Variants in ZNF420 observed in about 807,000 individuals in gnomAD.
The protein encoded by ZNF420 is ATM and p53-associated KZNF protein.
Under a neutral mutation model 44.7 loss-of-function variants are expected in ZNF420, and 31 were observed. The observed-to-expected ratio is 0.69, with a 90% CI of 0.52 to 0.94. ZNF420 has a LOEUF of 0.94. ZNF420 is among the 40% of genes least tolerant of loss of function. The pLI, the probability that ZNF420 is intolerant of heterozygous loss-of-function variation, is 0.00. For missense variants in ZNF420, 681 were observed against 827.9 expected (o/e 0.82, Z 2.18); for synonymous variants, 245 against 267.4 (o/e 0.92, Z 0.82).
intron 1 of ZNF420, among the ~76,000 whole-genome samples, chr19:37,030,643 A>G (rs149079408): frequency 9.5e-4 from 145 of 152,344 alleles, no homozygotes; most frequent in African/African-American, 3.4e-3. Context: ...ATTTTCATAT[A>G]CAAGTATGCA....
intron 1 of ZNF420, among the ~76,000 whole-genome samples, chr19:37,036,659 G>A (rs1397011139): frequency 6.6e-6 from 1 of 152,134 alleles, no homozygotes; most frequent in Non-Finnish European, 1.5e-5. Flanking sequence ...AATACAAAGT[G>A]GATTTCAGTA....
At chr19:37,053,950 G>A (rs941144258) in intron 1 of ZNF420, among the ~76,000 whole-genome samples, 18 of 152,174 alleles carry the variant, frequency 1.2e-4, no homozygotes, top group East Asian at 7.7e-4. Flanking sequence ...TATTCCCTGC[G>A]TCCAGAGGTG....
chr19:37,057,965 C>T (rs1452391555), intron 1 of ZNF420, among the ~76,000 whole-genome samples: 2 of 152,156 alleles, frequency 1.3e-5, no homozygotes, highest in East Asian at 3.9e-4. Flanking sequence ...GAATGCTGGC[C>T]TCTCTGGACA....
At chr19:37,075,245 C>CA (rs1431009357), upstream of ZNF420, 1 of 152,110 alleles carries the variant, frequency 6.6e-6, no homozygotes, top group Non-Finnish European at 1.5e-5. Context: ...CATAAACAAA[C>CA]AAGACACCTC....
intron 1 of ZNF420, among the ~76,000 whole-genome samples, chr19:37,039,648 A>G (rs914598043): frequency 1.3e-4 from 20 of 152,174 alleles, no homozygotes; most frequent in African/African-American, 4.3e-4. Context: ...TGGAATCACA[A>G]ATCAGCACTG....
chr19:37,016,085 G>A (rs574911170), intron 1 of ZNF420, among the ~76,000 whole-genome samples: 9 of 152,276 alleles, frequency 5.9e-5, no homozygotes, highest in South Asian at 2.1e-4. Flanking sequence ...TTCTTGAACC[G>A]TGGGTGCTCG....
intron 1 of ZNF420, among the ~76,000 whole-genome samples, chr19:37,063,687 G>A (rs542266862): frequency 6.6e-6 from 1 of 151,912 alleles, no homozygotes; most frequent in Non-Finnish European, 1.5e-5. Context: ...CCCATCAGTC[G>A]CTCTAATTCC....
intron 1 of ZNF420, among the ~76,000 whole-genome samples, chr19:37,053,904 T>C (rs1475902996): frequency 6.6e-6 from 1 of 152,218 alleles, no homozygotes; most frequent in Non-Finnish European, 1.5e-5. Context: ...CACGGACATT[T>C]AAGTCTGCAG....
upstream of ZNF420, among the ~76,000 whole-genome samples, chr19:37,077,709 C>G (rs1022018015): frequency 6.6e-6 from 1 of 152,090 alleles, no homozygotes; most frequent in Admixed American, 6.6e-5. Flanking sequence ...AATACAAGCA[C>G]AAAGAAAGCA....
Position 37,080,402 on chromosome 19 carries a change from CTT to C in ZNF420, c.-81+16_-81+17del, listed in dbSNP as rs1469527713. ...GCAATGTCCAAGGTGAGTATTTCCT[CTT>C]TGTTTCCTGAAATACCTTTGTTATT... On this transcript the variant is annotated intron_variant, in intron 2 of 4. Coordinates refer to ENST00000337995, the MANE Select transcript of ZNF420 (RefSeq NM_144689.5). 3 of 152,560 alleles carry C rather than the reference CTT, an allele frequency of 2.0e-5. No homozygotes were observed. The highest frequency in any genetic ancestry group is 7.2e-5 in the African/African-American group (3 of 41,448). 9.5% of individuals were successfully genotyped at this position (152,560 alleles called of 1,614,324 possible).
chr19:37,063,436 G>A (rs900246379), intron 1 of ZNF420, among the ~76,000 whole-genome samples: 4 of 152,166 alleles, frequency 2.6e-5, no homozygotes, highest in African/African-American at 7.2e-5. Flanking sequence ...AACTCAAGTC[G>A]CAAAACATGT....
At chr19:37,117,291 T>A (rs1218322892) in intron 4 of ZNF420, among the ~76,000 whole-genome samples, 1 of 152,184 alleles carries the variant, frequency 6.6e-6, no homozygotes, top group Non-Finnish European at 1.5e-5. Context: ...GCATTTGCGG[T>A]TCACGAAAAT....
intron 1 of ZNF420, among the ~76,000 whole-genome samples, chr19:37,053,166 C>T (rs1364956399): frequency 6.6e-6 from 1 of 152,178 alleles, no homozygotes; most frequent in African/African-American, 2.4e-5. Context: ...GCTACTGAGG[C>T]TTGTGCATTC....
chr19:37,055,627 C>T (rs1315375388), intron 1 of ZNF420, among the ~76,000 whole-genome samples: 1 of 152,166 alleles, frequency 6.6e-6, no homozygotes, highest in African/African-American at 2.4e-5. Context: ...ATGCATGAGG[C>T]GACACCGCTA....
At chr19:37,094,967 C>G (rs1235621934) in intron 4 of ZNF420, among the ~76,000 whole-genome samples, 1 of 151,978 alleles carries the variant, frequency 6.6e-6, no homozygotes, top group Non-Finnish European at 1.5e-5. Context: ...CCCATCTCTA[C>G]TAAATATACA....
At chr19:37,016,120 T>C (rs2074607159) in intron 1 of ZNF420, among the ~76,000 whole-genome samples, 1 of 152,242 alleles carries the variant, frequency 6.6e-6, no homozygotes, top group East Asian at 1.9e-4. Flanking sequence ...AGGGAAACTT[T>C]TGGTCCTCCT....
chr19:37,056,088 GTCTCTC>G (rs373594908), intron 1 of ZNF420, among the ~76,000 whole-genome samples: 3 of 149,588 alleles, frequency 2.0e-5, no homozygotes, highest in Non-Finnish European at 3.0e-5. Context: ...CTCACTCTCT[GTCTCTC>G]TCTCTCTCTC....
chr19:37,053,450 T>A (rs1967679533), intron 1 of ZNF420, among the ~76,000 whole-genome samples: 1 of 152,208 alleles, frequency 6.6e-6, no homozygotes, highest in Non-Finnish European at 1.5e-5. Flanking sequence ...TTTTTAGAGT[T>A]TCCAGTTTTT....
chr19:37,025,184 T>C (rs8108214), intron 1 of ZNF420: 81,867 of 405,560 alleles, frequency 0.2, 12,612 homozygotes, highest in Admixed American at 0.31. Flanking sequence ...AGTTGGCGGC[T>C]AGTCCTAAAA....
Sources: gnomAD v4.1 joint callset for allele counts (sites outside exome capture counted in the v4.1 genomes callset) on GRCh38, gnomAD v4.1.1 for gene constraint, MANE v1.5 for transcripts, NCBI Gene and HGNC (gene_info 2026-07-23, HGNC 2026-07-21) for gene names.